The following RBFOX1 variants were observed in gnomAD, a reference collection of about 807,000 sequenced individuals.
The protein encoded by RBFOX1 is RNA binding fox-1 homolog 1, also known as RNA binding protein fox-1 homolog 1.
Under a neutral mutation model 57.7 loss-of-function variants are expected in RBFOX1, and 8 were observed. That is an observed-to-expected ratio of 0.14 (90% CI 0.08 to 0.25). The LOEUF is 0.25. Ranked by LOEUF, RBFOX1 falls within the 10% of genes least tolerant of loss-of-function variation. The pLI is 1.00. For synonymous variants in RBFOX1, 326 were observed against 222.4 expected, an observed-to-expected ratio of 1.47 and a Z score of -4.15; for missense variants, 611 against 548.5, an observed-to-expected ratio of 1.11 and a Z score of -1.14.
In RBFOX1 at chr16:6,080,733, A is replaced by G. The variant is rs186154332; in HGVS notation, c.-127+60741A>G. On this transcript the variant is annotated intron_variant, in intron 1 of 15. Transcript: ENST00000550418. ...ATGAAAAGCAAGAGAAATACTATTAAAAGAATGCCACATTTTTAGGGAAAG... is the reference window on the plus strand; with the variant it reads ...ATGAAAAGCAAGAGAAATACTATTAGAAGAATGCCACATTTTTAGGGAAAG... Among the ~76,000 whole-genome samples the G allele has an allele frequency of 2.0e-5, 3 of 152,326 alleles. No individual in the cohort carries two copies. The East Asian group carries it at 5.8e-4, about 29-fold the overall frequency.
At chr16:6,209,197 G>A (rs2097275627) in intron 1 of RBFOX1, among the ~76,000 whole-genome samples, 1 of 152,166 alleles carries the variant, frequency 6.6e-6, no homozygotes. Context: ...TGGTTGGTGT[G>A]AAGCTGCTGG....
At chr16:6,059,634 G>C (rs1464145407) in intron 1 of RBFOX1, among the ~76,000 whole-genome samples, 3 of 152,050 alleles carry the variant, frequency 2.0e-5, no homozygotes. Flanking sequence ...TTTGACACTT[G>C]AGGTTATTCA....
chr16:5,298,261 T>C (rs2063716155), intron 1 of RBFOX1, among the ~76,000 whole-genome samples: 1 of 152,154 alleles, frequency 6.6e-6, no homozygotes, highest in African/African-American at 2.4e-5. Flanking sequence ...TCAAATAAAA[T>C]ACATTGTAGG....
intron 3 of RBFOX1, among the ~76,000 whole-genome samples, chr16:5,722,630 G>T (rs757340063): frequency 1.3e-5 from 2 of 152,124 alleles, no homozygotes; most frequent in Non-Finnish European, 1.5e-5. Context: ...TGGCATTAGG[G>T]TTGTGAGTCT....
At chr16:5,841,406 C>T (rs542362799) in intron 3 of RBFOX1, among the ~76,000 whole-genome samples, 1 of 152,310 alleles carries the variant, frequency 6.6e-6, no homozygotes, top group South Asian at 2.1e-4. Flanking sequence ...TTCTTCCTCT[C>T]TCCATAGTAT....
At chr16:6,949,447 C>T (rs2080239362) in intron 3 of RBFOX1, among the ~76,000 whole-genome samples, 1 of 152,158 alleles carries the variant, frequency 6.6e-6, no homozygotes, top group Non-Finnish European at 1.5e-5. Flanking sequence ...GTTGCGTAAG[C>T]AACACAGATT....
At chr16:6,421,797 A>G (rs1188175244) in intron 2 of RBFOX1, among the ~76,000 whole-genome samples, 1 of 152,024 alleles carries the variant, frequency 6.6e-6, no homozygotes, top group African/African-American at 2.4e-5. Context: ...GTGCAGTTTT[A>G]TACCATAAAC....
chr16:7,054,839 T>C (rs558564764), intron 4 of RBFOX1, among the ~76,000 whole-genome samples: 2 of 152,314 alleles, frequency 1.3e-5, no homozygotes, highest in East Asian at 3.9e-4. Flanking sequence ...CATTCTGTTG[T>C]CAGAATTCAG....
intron 3 of RBFOX1, among the ~76,000 whole-genome samples, chr16:6,900,010 C>T (rs1477952261): frequency 6.6e-6 from 1 of 152,182 alleles, no homozygotes; most frequent in African/African-American, 2.4e-5. Flanking sequence ...TTATTTATAA[C>T]AGGAGGATGC....
chr16:6,105,402 A>G (rs2096366323), intron 1 of RBFOX1, among the ~76,000 whole-genome samples: 1 of 152,164 alleles, frequency 6.6e-6, no homozygotes, highest in South Asian at 2.1e-4. Context: ...AAAAAAAATC[A>G]GAGTTTTGTT....
chr16:6,965,842 T>C (rs2084018785), intron 3 of RBFOX1, among the ~76,000 whole-genome samples: 1 of 151,892 alleles, frequency 6.6e-6, no homozygotes, highest in Non-Finnish European at 1.5e-5. Context: ...TGCTGTCGCA[T>C]CCATGGGGAT....
At chr16:6,060,122 G>GTTTTTTGTTTTT in intron 1 of RBFOX1, among the ~76,000 whole-genome samples, 1 of 114,206 alleles carries the variant, frequency 8.8e-6, no homozygotes, top group East Asian at 2.6e-4. Flanking sequence ...TAGGATTAGG[G>GTTTTTTGTTTTT]TTTTTTTTTT....
chr16:6,043,118 C>CCGAAAAAA (rs2095456683), intron 1 of RBFOX1, among the ~76,000 whole-genome samples: 1 of 37,752 alleles, frequency 2.6e-5, no homozygotes, highest in African/African-American at 9.4e-5. Context: ...ATTGTGTTTC[C>CCGAAAAAA]AGAAAAAAAA....
intron 3 of RBFOX1, among the ~76,000 whole-genome samples, chr16:7,023,767 T>C (rs1470441061): frequency 1.3e-5 from 2 of 152,010 alleles, no homozygotes; most frequent in African/African-American, 2.4e-5. Context: ...TCTTTTCCAC[T>C]TAGCTCAAAT....
rs953413749 is a variant in RBFOX1 at position 5,947,436 on chromosome 16, T to C, written c.351+80101T>C. On this transcript the variant is annotated intron_variant, in intron 4 of 19. Coordinates refer to the RBFOX1 transcript ENST00000641259. This position sits in a 1 kb window ranked among gnomAD's most constrained non-coding sequence, Gnocchi z 7.2. ...AGACTGGAGTGCATTGGTATGATCA[T>C]GGCTCACTACAGCCTCGAAATCTTG... Among the ~76,000 whole-genome samples, 1 of 152,214 alleles carries C rather than the reference T, an allele frequency of 6.6e-6. No individual in the cohort carries two copies. The highest frequency in any genetic ancestry group is 2.1e-4 in the South Asian group (1 of 4,828).
chr16:5,364,634 C>T (rs2065655279), intron 1 of RBFOX1, among the ~76,000 whole-genome samples: 1 of 152,112 alleles, frequency 6.6e-6, no homozygotes. Context: ...TTTTTGGAAC[C>T]CATTCCTTTA....
intron 1 of RBFOX1, among the ~76,000 whole-genome samples, chr16:6,091,406 T>C (rs911038738): frequency 2.0e-5 from 3 of 152,260 alleles, no homozygotes; most frequent in South Asian, 4.1e-4. Context: ...TTTCTCTTTA[T>C]AGAGGTCACC....
chr16:5,861,763 T>A (rs949946314), intron 3 of RBFOX1, among the ~76,000 whole-genome samples: 1 of 152,160 alleles, frequency 6.6e-6, no homozygotes, highest in Non-Finnish European at 1.5e-5. Flanking sequence ...ATGATTTCAT[T>A]TGTTGCAAAG....
At chr16:6,017,891 C>A (rs140648794), upstream of RBFOX1, among the ~76,000 whole-genome samples, 10 of 152,188 alleles carry the variant, frequency 6.6e-5, no homozygotes, top group Non-Finnish European at 1.3e-4. Flanking sequence ...ATAAGAGGAT[C>A]CATGGTATAA....
Sources: gnomAD v4.1 joint callset for allele counts (sites outside exome capture counted in the v4.1 genomes callset) on GRCh38, gnomAD v4.1.1 for gene constraint, Gnocchi (gnomAD v3.1) non-coding constraint, MANE v1.5 for transcripts, NCBI Gene and HGNC (gene_info 2026-07-23, HGNC 2026-07-21) for gene names.